AGPAT3: variants seen among roughly 807,000 people sequenced by gnomAD.
The protein encoded by AGPAT3 is 1-acylglycerol-3-phosphate O-acyltransferase 3, also known as 1-acyl-sn-glycerol-3-phosphate acyltransferase gamma.
Under a neutral mutation model 47.3 loss-of-function variants are expected in AGPAT3, and 5 were observed. The ratio of observed to expected loss-of-function variants is 0.11; its 90% confidence interval spans 0.06 to 0.22. The LOEUF is 0.22. Among genes scored for constraint, AGPAT3 ranks in the 10% least tolerant of loss-of-function variants. The probability of loss-of-function intolerance (pLI) is 1.00; values close to 1 mark genes in which losing one functional copy is unlikely to be tolerated. For missense variants in AGPAT3, 315 were observed against 493.0 expected, an observed-to-expected ratio of 0.64 and a Z score of 3.42; for synonymous variants, 212 against 208.3, an observed-to-expected ratio of 1.02 and a Z score of -0.15.
In AGPAT3 at chr21:43,982,221, GA is replaced by G; in HGVS notation, c.1043-81del. ...CAGAGGGACAGGGTCTGGGGCAGAG[GA>G]AGGAAGCCCCAGTAACACGTTTTAC... On this transcript the variant is annotated intron_variant, in intron 9 of 9. Transcript: ENST00000291572. This position sits in a 1 kb window ranked among gnomAD's most constrained non-coding sequence, Gnocchi z 6.2. 9.7e-7 allele frequency: 1 copy of G among 1,030,516 alleles called. No individual in the cohort carries two copies. The highest frequency in any genetic ancestry group is 1.5e-6 in the Non-Finnish European group (1 of 669,660). The allele number at this position is 1,030,516 out of a possible 1,614,324, so 63.8% of individuals were successfully genotyped here.
intron 1 of AGPAT3, among the ~76,000 whole-genome samples, chr21:43,897,641 C>T (rs183242873): frequency 3.8e-5 from 5 of 130,690 alleles, no homozygotes; most frequent in Admixed American, 7.2e-5. Flanking sequence ...CGGGCAGAGG[C>T]GCTCCTCACA....
chr21:43,921,619 TG>T (rs1640396771), intron 2 of AGPAT3, among the ~76,000 whole-genome samples: 1 of 152,158 alleles, frequency 6.6e-6, no homozygotes, highest in Admixed American at 6.5e-5. Context: ...AAGAAGAGTT[TG>T]TTTCCTGCGG....
Position 43,979,298 on chromosome 21 carries a change from CAAAAAAAAA to C in AGPAT3, c.843+1187_843+1195del, listed in dbSNP as rs540542305. 4.5e-4 allele frequency among the ~76,000 whole-genome samples: 26 copies of C among 57,734 alleles called. 1 individual carries two copies. In the East Asian group the frequency reaches 0.011, roughly 24 times the overall value. 37.9% of individuals were successfully genotyped at this position (57,734 alleles called of 152,430 possible). A position where few individuals can be genotyped will look rare whatever the true frequency, so the allele number is the denominator to read the frequency against. On this transcript the variant is annotated intron_variant, in intron 8 of 9. Coordinates refer to ENST00000291572, the MANE Select transcript of AGPAT3 (RefSeq NM_020132.5). Reference sequence around the variant, plus strand: ...TGGGCAACAGAGTGAGACTCCAACTCAAAAAAAAAAAAAAAAAAGAAAGAAAAAAAAAGA... The same window carrying C: ...TGGGCAACAGAGTGAGACTCCAACTCAAAAAAAAAGAAAGAAAAAAAAAGA...
intron 1 of AGPAT3, among the ~76,000 whole-genome samples, chr21:43,866,426 C>T (rs933151412): frequency 9.9e-5 from 15 of 152,260 alleles, no homozygotes; most frequent in Non-Finnish European, 1.8e-4. Flanking sequence ...TAGAGGGACC[C>T]AGGATCCTGC....
chr21:43,886,841 C>T (rs6518333), intron 1 of AGPAT3, among the ~76,000 whole-genome samples: 2,592 of 152,256 alleles, frequency 0.017, 41 homozygotes, highest in Non-Finnish European at 0.023. Flanking sequence ...TTTATCCATC[C>T]GTCTCTTGAT....
intron 2 of AGPAT3, among the ~76,000 whole-genome samples, chr21:43,942,821 C>T (rs1479427655): frequency 2.0e-5 from 3 of 152,166 alleles, no homozygotes; most frequent in Non-Finnish European, 4.4e-5. Flanking sequence ...GAGGGTGGCA[C>T]GGCGGTGCCA....
intron 1 of AGPAT3, among the ~76,000 whole-genome samples, chr21:43,884,853 T>A (rs543264014): frequency 6.6e-6 from 1 of 152,286 alleles, no homozygotes; most frequent in South Asian, 2.1e-4. Context: ...GCAAGCCAGG[T>A]CAGCATATTG....
intron 2 of AGPAT3, among the ~76,000 whole-genome samples, chr21:43,917,851 G>A (rs1265854546): frequency 7.7e-6 from 1 of 129,818 alleles, no homozygotes; most frequent in African/African-American, 2.9e-5. Context: ...TGTTGTGGGT[G>A]TTGTAGGAGT....
intron 8 of AGPAT3, among the ~76,000 whole-genome samples, chr21:43,979,304 A>G (rs1038377123): frequency 2.7e-5 from 4 of 147,374 alleles, no homozygotes; most frequent in African/African-American, 1.0e-4. Flanking sequence ...AACTCAAAAA[A>G]AAAAAAAAAA....
intron 1 of AGPAT3, among the ~76,000 whole-genome samples, chr21:43,878,260 C>G (rs533208818): frequency 6.6e-6 from 1 of 152,214 alleles, no homozygotes; most frequent in Non-Finnish European, 1.5e-5. Context: ...CTGGTGACTT[C>G]GACCTGGATG....
intron 2 of AGPAT3, among the ~76,000 whole-genome samples, chr21:43,909,291 CAT>C (rs1491418713): frequency 1.8e-5 from 2 of 112,896 alleles, no homozygotes; most frequent in Non-Finnish European, 1.7e-5. Context: ...TTTTCATACA[CAT>C]TTTTTTTTTT....
intron 2 of AGPAT3, among the ~76,000 whole-genome samples, chr21:43,904,461 C>T (rs960505906): frequency 2.0e-5 from 3 of 152,230 alleles, no homozygotes; most frequent in Admixed American, 6.5e-5. Context: ...AGGTGTGGCC[C>T]GGGGACAGCT....
intron 7 of AGPAT3, among the ~76,000 whole-genome samples, chr21:43,973,696 GAGC>G (rs1338707538): frequency 6.6e-6 from 1 of 152,262 alleles, no homozygotes; most frequent in African/African-American, 2.4e-5. Context: ...GCTGTTTGAG[GAGC>G]AGCAGTGTCC....
chr21:43,917,387 A>G (rs1009866768), intron 2 of AGPAT3, among the ~76,000 whole-genome samples: 1 of 152,086 alleles, frequency 6.6e-6, no homozygotes, highest in Non-Finnish European at 1.5e-5. Flanking sequence ...GGTGTTTTAT[A>G]GAGTGCAGCT....
In AGPAT3 at chr21:43,986,749, A is replaced by G. The variant is rs950779274; in HGVS notation, c.*4357A>G. On this transcript the variant is annotated 3_prime_UTR_variant, in exon 10 of 10. Coordinates refer to ENST00000291572, the MANE Select transcript of AGPAT3 (RefSeq NM_020132.5). The stretch of plus-strand genomic sequence containing the variant: ...ATGACAGCCACTGGCTTCTTTTTCT[A>G]TGATTGAAAATCTGCCATCGCTGAC... Among the ~76,000 whole-genome samples the G allele has an allele frequency of 3.3e-5, 5 of 152,226 alleles. No homozygotes were observed. The highest frequency in any genetic ancestry group is 4.8e-5 in the African/African-American group (2 of 41,462).
chr21:43,883,163 G>A (rs775649495), intron 1 of AGPAT3, among the ~76,000 whole-genome samples: 2 of 152,116 alleles, frequency 1.3e-5, no homozygotes, highest in East Asian at 1.9e-4. Flanking sequence ...CCTCCTGCCC[G>A]GGTCACTCCA....
intron 2 of AGPAT3, among the ~76,000 whole-genome samples, chr21:43,918,992 C>G (rs1184317670): frequency 6.6e-6 from 1 of 152,070 alleles, no homozygotes; most frequent in Non-Finnish European, 1.5e-5. Context: ...ACTTAACATT[C>G]TTTTCCTTCA....
chr21:43,960,003 GA>G (rs2088753175), intron 3 of AGPAT3, 144 bp downstream of exon 3: 1 of 848,416 alleles, frequency 1.2e-6, no homozygotes, highest in East Asian at 2.7e-5. Context: ...CAGGCTGTCG[GA>G]AGGCACCTGG....
At chr21:43,883,633 G>T (rs2085902306) in intron 1 of AGPAT3, among the ~76,000 whole-genome samples, 1 of 152,138 alleles carries the variant, frequency 6.6e-6, no homozygotes, top group Non-Finnish European at 1.5e-5. Context: ...TCGCTCTGTT[G>T]CCCAGGCTGG....
Sources: gnomAD v4.1 joint callset for allele counts (sites outside exome capture counted in the v4.1 genomes callset) on GRCh38, gnomAD v4.1.1 for gene constraint, Gnocchi (gnomAD v3.1) non-coding constraint, MANE v1.5 for transcripts, NCBI Gene and HGNC (gene_info 2026-07-23, HGNC 2026-07-21) for gene names.